The following TMTC1 variants were observed in gnomAD, a reference collection of about 807,000 sequenced individuals.
TMTC1 encodes protein O-mannosyl-transferase TMTC1.
Under a neutral mutation model 104.8 loss-of-function variants are expected in TMTC1, and 73 were observed. The observed-to-expected ratio is 0.70, with a 90% CI of 0.58 to 0.85. TMTC1 has a LOEUF of 0.85. TMTC1 is among the 40% of genes least tolerant of loss of function. TMTC1 has a pLI of 0.00. For synonymous variants in TMTC1, 434 were observed against 428.7 expected (o/e 1.01, Z -0.15); for missense variants, 1,035 against 1,096.1 (o/e 0.94, Z 0.79).
At chr12:29,558,052 T>C (rs1945290923) in intron 9 of TMTC1, among the ~76,000 whole-genome samples, 1 of 152,196 alleles carries the variant, frequency 6.6e-6, no homozygotes, top group South Asian at 2.1e-4. Context: ...TGGACATCAG[T>C]ATATCAAATT....
intron 11 of TMTC1, chr12:29,533,371 A>G (rs1195979844): frequency 1.3e-5 from 2 of 152,216 alleles, no homozygotes; most frequent in East Asian, 3.9e-4. Context: ...AATGATGTCA[A>G]CAGACAGCAG....
chr12:29,605,122 T>G (rs1044122225), intron 6 of TMTC1, among the ~76,000 whole-genome samples: 3 of 152,116 alleles, frequency 2.0e-5, no homozygotes, highest in African/African-American at 7.2e-5. Context: ...CAAAACTTAA[T>G]GTACTGGAGA....
chr12:29,744,157 T>C lies in TMTC1; in HGVS notation c.938+7509A>G, dbSNP rs7309803. Among the ~76,000 whole-genome samples the C allele has an allele frequency of 1.0e-3, 157 of 152,308 alleles. 1 individual carries two copies. The highest frequency in any genetic ancestry group is 3.7e-3 in the African/African-American group (152 of 41,562). ...TTGGAAGGCAGATGCCTAAGCTTGA[T>C]TACTCTACACTGAGAAAGGAAAGAG... is the stretch of plus-strand genomic sequence containing the variant. On this transcript the variant is annotated intron_variant, in intron 5 of 17. Transcript: ENST00000539277.
At chr12:29,583,697 C>A in intron 7 of TMTC1, 123 bp from the exon 8 acceptor site, 1 of 849,324 alleles carries the variant, frequency 1.2e-6, no homozygotes, top group South Asian at 2.0e-5. Context: ...CAAATAGAAA[C>A]TCCCCTGCCT....
chr12:29,672,457 A>G (rs1212835827), intron 5 of TMTC1, among the ~76,000 whole-genome samples: 2 of 152,134 alleles, frequency 1.3e-5, no homozygotes, highest in African/African-American at 4.8e-5. Context: ...AGGCCAGGTC[A>G]GTCCATTTGA....
In TMTC1 at chr12:29,502,646, AC is replaced by A. The variant is rs1314205087; in HGVS notation, c.*4199del. On this transcript the variant is annotated 3_prime_UTR_variant, in exon 18 of 18. Coordinates refer to ENST00000539277, the MANE Select transcript of TMTC1 (RefSeq NM_001193451.2). The stretch of plus-strand genomic sequence containing the variant: ...TTGTAATCATGGAATGATAGCCTCA[AC>A]CAACCAATTGTGCCATACATCATTG... The A allele has an allele frequency of 1.3e-5, 2 of 152,196 alleles. No individual in the cohort carries two copies. Among genetic ancestry groups the A allele is most frequent in the African/African-American group, 4.8e-5 (2 of 41,446 alleles). 9.4% of individuals were successfully genotyped at this position (152,196 alleles called of 1,614,324 possible).
At chr12:29,674,746 G>T (rs1455745872) in intron 5 of TMTC1, among the ~76,000 whole-genome samples, 2 of 152,122 alleles carry the variant, frequency 1.3e-5, no homozygotes, top group East Asian at 1.9e-4. Context: ...CCGTAAAGAA[G>T]GGGGGGCCTT....
intron 7 of TMTC1, among the ~76,000 whole-genome samples, chr12:29,600,303 A>G (rs1470424074): frequency 6.6e-6 from 1 of 152,038 alleles, no homozygotes; most frequent in Non-Finnish European, 1.5e-5. Context: ...GCTATTCTCC[A>G]TTAAGACAGG....
intron 10 of TMTC1, among the ~76,000 whole-genome samples, chr12:29,548,829 T>TATATATATTC (rs1565662657): frequency 9.3e-6 from 1 of 107,002 alleles, no homozygotes; most frequent in East Asian, 2.5e-4. Context: ...TATTGCTTGA[T>TATATATATTC]TATATCACTT....
intron 9 of TMTC1, among the ~76,000 whole-genome samples, 154 bp from the exon 10 acceptor site, chr12:29,557,154 G>A (rs537314461): frequency 1.3e-5 from 2 of 152,272 alleles, no homozygotes; most frequent in African/African-American, 4.8e-5. Context: ...ACTGGTCAAC[G>A]ACTTTTGCAG....
intron 5 of TMTC1, among the ~76,000 whole-genome samples, chr12:29,643,502 T>G: frequency 1.7e-5 from 1 of 59,960 alleles, no homozygotes; most frequent in Admixed American, 2.2e-4. Flanking sequence ...TTATATATTA[T>G]ATATTTTATA....
chr12:29,722,641 C>T (rs559985067), intron 5 of TMTC1, among the ~76,000 whole-genome samples: 310 of 152,014 alleles, frequency 2.0e-3, no homozygotes, highest in Non-Finnish European at 3.6e-3. Flanking sequence ...AAGTTTAGGC[C>T]GGGCGCAGTG....
chr12:29,542,506 C>T (rs1565657996), intron 10 of TMTC1, among the ~76,000 whole-genome samples: 2 of 152,146 alleles, frequency 1.3e-5, no homozygotes, highest in Non-Finnish European at 2.9e-5. Flanking sequence ...CTTTACTTCT[C>T]TCTTAAATCA....
Position 29,758,280 on chromosome 12 carries a change from T to C in TMTC1, c.554+424A>G, listed in dbSNP as rs886846349. On this transcript the variant is annotated intron_variant, in intron 3 of 17. Coordinates refer to ENST00000539277, the MANE Select transcript of TMTC1 (RefSeq NM_001193451.2). ...TACTTTATACTCAGCTTTGTCATTTTAAGCTCTGAGTTACTTTGGTGAGGC... is the reference window on the plus strand; with the variant it reads ...TACTTTATACTCAGCTTTGTCATTTCAAGCTCTGAGTTACTTTGGTGAGGC... 2.0e-5 allele frequency among the ~76,000 whole-genome samples: 3 copies of C among 152,220 alleles called. No homozygotes were observed. In the South Asian group the frequency reaches 6.2e-4, roughly 31 times the overall value.
intron 5 of TMTC1, among the ~76,000 whole-genome samples, chr12:29,733,761 A>C (rs1312294518): frequency 6.6e-6 from 1 of 152,110 alleles, no homozygotes; most frequent in Non-Finnish European, 1.5e-5. Context: ...TTCACTCATC[A>C]GTCTTTCTCT....
chr12:29,588,522 C>A (rs1186386013), intron 7 of TMTC1, among the ~76,000 whole-genome samples: 2 of 152,164 alleles, frequency 1.3e-5, no homozygotes, highest in Non-Finnish European at 2.9e-5. Flanking sequence ...AGATATTTAA[C>A]AAACATTTAA....
chr12:29,633,143 T>C lies in TMTC1; in HGVS notation c.1128+4A>G, dbSNP rs749428661. ...AGAGTTCATTCTACTTTTGAGAAAATTACCTTAAAGGCTGCTAAGCAGTGC... is the reference window on the plus strand; with the variant it reads ...AGAGTTCATTCTACTTTTGAGAAAACTACCTTAAAGGCTGCTAAGCAGTGC... On this transcript the variant is annotated splice_donor_region_variant and intron_variant, in intron 6 of 17. Transcript: ENST00000539277. The C allele has an allele frequency of 6.2e-6, 10 of 1,605,334 alleles. No homozygotes were observed. Among genetic ancestry groups the C allele is most frequent in the African/African-American group, 1.3e-5 (1 of 74,710 alleles).
At chr12:29,557,583 G>A (rs1202208966) in intron 9 of TMTC1, among the ~76,000 whole-genome samples, 1 of 152,226 alleles carries the variant, frequency 6.6e-6, no homozygotes, top group Admixed American at 6.5e-5. Flanking sequence ...CCAAGTAGCT[G>A]GAATTACAGG....
chr12:29,636,345 A>G (rs1938547758), intron 5 of TMTC1, among the ~76,000 whole-genome samples: 1 of 152,230 alleles, frequency 6.6e-6, no homozygotes, highest in Non-Finnish European at 1.5e-5. Context: ...CGGCTTGACT[A>G]TGGAACATCT....
Sources: allele counts gnomAD v4.1 joint callset (sites outside exome capture counted in the v4.1 genomes callset), GRCh38; gene constraint gnomAD v4.1.1; transcripts MANE v1.5; gene names NCBI Gene and HGNC (gene_info 2026-07-23, HGNC 2026-07-21).